Variants in MAP3K20 observed in about 807,000 individuals in gnomAD.
The protein encoded by MAP3K20 is HCCS-4.
MAP3K20 carries 40 observed loss-of-function variants against 85.7 expected under a neutral mutation model. The observed-to-expected ratio is 0.47, with a 90% CI of 0.36 to 0.61. MAP3K20 has a LOEUF of 0.61. MAP3K20 is among the 20% of genes least tolerant of loss of function. The pLI, the probability that MAP3K20 is intolerant of heterozygous loss-of-function variation, is 0.00. For synonymous variants in MAP3K20, 325 were observed against 327.7 expected, an observed-to-expected ratio of 0.99 and a Z score of 0.09; for missense variants, 817 against 961.7, an observed-to-expected ratio of 0.85 and a Z score of 1.99.
At chr2:173,086,922 C>T (rs1036961035) in intron 1 of MAP3K20, among the ~76,000 whole-genome samples, 1 of 152,204 alleles carries the variant, frequency 6.6e-6, no homozygotes, top group African/African-American at 2.4e-5. Context: ...ATACACTCTC[C>T]GAAGAAGCCT....
At chr2:173,180,542 G>A (rs773429475) in intron 3 of MAP3K20, among the ~76,000 whole-genome samples, 11 of 152,144 alleles carry the variant, frequency 7.2e-5, no homozygotes, top group Non-Finnish European at 1.5e-4. Context: ...CCAGCGTGGT[G>A]ATGTGCACCT....
At chr2:173,133,183 C>G (rs1688665092) in intron 2 of MAP3K20, among the ~76,000 whole-genome samples, 1 of 152,066 alleles carries the variant, frequency 6.6e-6, no homozygotes, top group South Asian at 2.1e-4. Flanking sequence ...AGTTTAGTAG[C>G]AAAGCAATGT....
intron 16 of MAP3K20, among the ~76,000 whole-genome samples, chr2:173,251,731 T>C (rs890416243): frequency 1.3e-5 from 2 of 152,184 alleles, no homozygotes; most frequent in African/African-American, 4.8e-5. Context: ...ATATATACTA[T>C]TGTCAAAATG....
intron 8 of MAP3K20, among the ~76,000 whole-genome samples, chr2:173,201,494 T>G (rs1362977581): frequency 1.3e-5 from 2 of 152,180 alleles, no homozygotes; most frequent in African/African-American, 4.8e-5. Flanking sequence ...TTCATAAGAC[T>G]TAATCCACTG....
At chr2:173,160,305 C>G (rs184959812) in intron 2 of MAP3K20, 10 of 152,224 alleles carry the variant, frequency 6.6e-5, no homozygotes, top group Middle Eastern at 3.4e-3. Context: ...GTATAACTCT[C>G]TGGTGATTAT....
chr2:173,245,319 C>G (rs1301000314), intron 16 of MAP3K20, among the ~76,000 whole-genome samples: 1 of 152,136 alleles, frequency 6.6e-6, no homozygotes, highest in Non-Finnish European at 1.5e-5. Flanking sequence ...CGAGGTTGAT[C>G]TGCAGAACCC....
Position 173,078,115 on chromosome 2 carries a change from T to A in MAP3K20, c.-35+2113T>A, listed in dbSNP as rs374097721. ...GTAAGGTGAAGCTATTAGTGTGGAG[T>A]GACAGAGCAAAATGGACAGTTTATT... On this transcript the variant is annotated intron_variant, in intron 1 of 19. Transcript: ENST00000375213. Among the ~76,000 whole-genome samples, 525 of 152,222 alleles carry A rather than the reference T, an allele frequency of 3.4e-3. 7 individuals are homozygous for A. Among genetic ancestry groups the A allele is most frequent in the African/African-American group, 0.012 (506 of 41,528 alleles).
chr2:173,203,522 TTC>T (rs1033255281), intron 8 of MAP3K20, among the ~76,000 whole-genome samples: 2 of 152,174 alleles, frequency 1.3e-5, no homozygotes, highest in African/African-American at 4.8e-5. Flanking sequence ...CCTACTGTAG[TTC>T]TGTTTAGATA....
intron 5 of MAP3K20, among the ~76,000 whole-genome samples, chr2:173,189,129 A>C (rs58574444): frequency 6.6e-6 from 1 of 152,182 alleles, no homozygotes; most frequent in East Asian, 1.9e-4. Flanking sequence ...TCCCTTGGAA[A>C]GGTAACCAGA....
At chr2:173,256,862 G>A (rs898413843) in intron 16 of MAP3K20, among the ~76,000 whole-genome samples, 1 of 152,040 alleles carries the variant, frequency 6.6e-6, no homozygotes, top group Non-Finnish European at 1.5e-5. Context: ...GCTAGAATAA[G>A]AAATGCAGTT....
At chr2:173,220,173 T>A (rs1161097244) in intron 11 of MAP3K20, among the ~76,000 whole-genome samples, 1 of 152,098 alleles carries the variant, frequency 6.6e-6, no homozygotes, top group Non-Finnish European at 1.5e-5. Flanking sequence ...ATATTGAAAC[T>A]ATGCCAAAAA....
chr2:173,172,999 T>C (rs1224831733), intron 3 of MAP3K20, among the ~76,000 whole-genome samples: 2 of 152,024 alleles, frequency 1.3e-5, no homozygotes, highest in Non-Finnish European at 2.9e-5. Flanking sequence ...GGTTTCACCA[T>C]GTTGGGCAGG....
At chr2:173,221,731 A>G (rs372270572) in intron 11 of MAP3K20, 1 of 1,288,628 alleles carries the variant, frequency 7.8e-7, no homozygotes. Flanking sequence ...ATTAAGCCAA[A>G]GAAGTATATT....
chr2:173,091,209 G>C lies in MAP3K20; in HGVS notation c.159+19G>C. On this transcript the variant is annotated intron_variant, in intron 2 of 19. Transcript: ENST00000375213. ...GAAAGAGGTAAGGTCTTTTCCAGCT[G>C]ACAGAAACAGTCACGATACCATTTA... 6.2e-7 allele frequency: 1 copy of C among 1,603,856 alleles called. No homozygotes were observed. The highest frequency in any genetic ancestry group is 8.5e-7 in the Non-Finnish European group (1 of 1,174,146).
At chr2:173,111,387 G>T (rs993519857) in intron 2 of MAP3K20, among the ~76,000 whole-genome samples, 1 of 152,142 alleles carries the variant, frequency 6.6e-6, no homozygotes, top group Non-Finnish European at 1.5e-5. Flanking sequence ...TGTTTACTCT[G>T]CTGACTGTTC....
chr2:173,105,583 A>G (rs1466010549), intron 2 of MAP3K20, among the ~76,000 whole-genome samples: 1 of 152,222 alleles, frequency 6.6e-6, no homozygotes, highest in Non-Finnish European at 1.5e-5. Context: ...AACCTTAAGA[A>G]GGAATACAAT....
In MAP3K20 at chr2:173,238,132, C is replaced by G. The variant is rs148915060; in HGVS notation, c.1204-241C>G. Among the ~76,000 whole-genome samples the G allele has an allele frequency of 2.6e-5, 4 of 152,296 alleles. No individual in the cohort carries two copies. In the East Asian group the frequency reaches 7.7e-4, roughly 29 times the overall value. On this transcript the variant is annotated intron_variant, in intron 14 of 19. Transcript: ENST00000375213. ...CATTACTGCACTCCAGCCTGCACGA[C>G]AGAATGAGACCTGGTCTCCAAAATA...
chr2:173,220,560 CAATA>C (rs1317677169), intron 11 of MAP3K20, among the ~76,000 whole-genome samples: 10 of 152,180 alleles, frequency 6.6e-5, no homozygotes, highest in Admixed American at 2.6e-4. Flanking sequence ...GTTCTGGCTA[CAATA>C]AATAAATAAG....
intron 2 of MAP3K20, among the ~76,000 whole-genome samples, chr2:173,111,341 A>G (rs1225109253): frequency 6.6e-6 from 1 of 152,180 alleles, no homozygotes; most frequent in Non-Finnish European, 1.5e-5. Context: ...TGAGATGTAT[A>G]GATTGTGAAG....
Sources: allele counts gnomAD v4.1 joint callset (sites outside exome capture counted in the v4.1 genomes callset), GRCh38; gene constraint gnomAD v4.1.1; transcripts MANE v1.5; gene names NCBI Gene and HGNC (gene_info 2026-07-23, HGNC 2026-07-21).